SPTY2D1: variants seen among roughly 807,000 people sequenced by gnomAD.
The protein encoded by SPTY2D1 is SPT2 chromatin protein domain containing 1, also known as protein SPT2 homolog.
In SPTY2D1, 21 loss-of-function variants were observed where a neutral mutation model predicts 64.0. The ratio of observed to expected loss-of-function variants is 0.33; its 90% CI spans 0.23 to 0.47. The LOEUF is 0.47. Among genes scored for constraint, SPTY2D1 ranks in the 20% least tolerant of loss-of-function variants. SPTY2D1 has a pLI of 1.00. For synonymous variants in SPTY2D1, 287 were observed against 286.8 expected (o/e 1.00, Z -0.01); for missense variants, 724 against 837.2 (o/e 0.86, Z 1.67).
rs1409472680 is a variant in SPTY2D1 at position 18,612,392 on chromosome 11, T to C, written c.1808A>G (p.Asp603Gly). 1 of 1,611,702 alleles carries C rather than the reference T, an allele frequency of 6.2e-7. No individual in the cohort carries two copies. Among genetic ancestry groups the C allele is most frequent in the Admixed American group, 1.7e-5 (1 of 59,866 alleles). The change falls in exon 4 of 6, where the codon GAT becomes GGT. Residue 603 changes from aspartate (D) to glycine (G), a missense_variant. Physicochemically the swap from Asp to Gly is moderately conservative, Grantham distance 94 (BLOSUM62 -1). This residue lies in a region of SPTY2D1 where 119 missense variants were observed against 172.9 expected (regional missense o/e 0.69). Coordinates refer to ENST00000336349, the MANE Select transcript of SPTY2D1 (RefSeq NM_194285.3). This position sits in a 1 kb window ranked among gnomAD's most constrained non-coding sequence, Gnocchi z 4.6. Reference sequence around the variant, plus strand: ...AGGCTCTCCTTCATCTTCAATAAAATCTTCCATTTCAGAGTCGTATTCATC... The same window carrying C: ...AGGCTCTCCTTCATCTTCAATAAAACCTTCCATTTCAGAGTCGTATTCATC... ...DDDEYDSEME[D>G]FIEDEGEPQE...
intron 1 of SPTY2D1, among the ~76,000 whole-genome samples, chr11:18,629,021 T>C (rs1854543123): frequency 6.6e-6 from 1 of 152,156 alleles, no homozygotes; most frequent in Admixed American, 6.5e-5. Context: ...TTCTTATCCT[T>C]AAGGGGCTAT....
intron 1 of SPTY2D1, among the ~76,000 whole-genome samples, chr11:18,621,327 AAAGAAAAG>A (rs1854393731): frequency 3.2e-5 from 1 of 31,074 alleles, no homozygotes; most frequent in Non-Finnish European, 7.1e-5. Context: ...AAAAAACAGA[AAAGAAAAG>A]AAAAGAAAAG....
At chr11:18,625,814 TTTC>T (rs1565162233) in intron 1 of SPTY2D1, among the ~76,000 whole-genome samples, 2 of 129,376 alleles carry the variant, frequency 1.5e-5, no homozygotes, top group East Asian at 4.2e-4. Context: ...ACTCCAACAC[TTTC>T]TTTTTTTTTT....
At chr11:18,631,706 G>A (rs1160389680) in intron 1 of SPTY2D1, among the ~76,000 whole-genome samples, 3 of 151,680 alleles carry the variant, frequency 2.0e-5, no homozygotes, top group Non-Finnish European at 4.4e-5. Context: ...TAAATATGGG[G>A]AAATGTTAAT....
rs768279652 is a variant in SPTY2D1, at chr11:18,612,423, C to T, written c.1777G>A (p.Asp593Asn). ...RQREYEEEDD[D>N]DDEYDSEMED... The stretch of plus-strand genomic sequence containing the variant: ...ATTTCAGAGTCGTATTCATCATCAT[C>T]GTCATCTTCCTCTTCATATTCTCGC... Residue 593 changes from aspartate (D) to asparagine (N), a missense_variant, in exon 4 of 6, where the codon GAT (aspartate) becomes AAT (asparagine). Around this residue, in one of 3 missense-constraint regions of SPTY2D1, gnomAD observed 119 missense variants for 172.9 expected, o/e 0.69. Coordinates refer to ENST00000336349, the MANE Select transcript of SPTY2D1 (RefSeq NM_194285.3). The surrounding 1 kb of genome is among the most constrained non-coding windows in gnomAD (Gnocchi z 4.6). 9 of 1,597,248 alleles carry T rather than the reference C, an allele frequency of 5.6e-6. No individual in the cohort carries two copies. The Admixed American group carries it at 1.0e-4, about 18-fold the overall frequency.
intron 1 of SPTY2D1, among the ~76,000 whole-genome samples, chr11:18,617,890 C>T (rs953873114): frequency 3.7e-4 from 56 of 152,172 alleles, no homozygotes; most frequent in African/African-American, 1.3e-3. Context: ...TGCAGTGAGC[C>T]GAGATTGCGC....
Position 18,615,361 on chromosome 11 carries a change from C to T in SPTY2D1, c.913G>A (p.Asp305Asn), listed in dbSNP as rs746473954. ...CCAGCTCCATTAAAAACAGGTTTGT[C>T]GTGGCCCTCACGAAGTGAGGGTTGG... ...SSQPSLREGH[D>N]KPVFNGAGKP... Residue 305 changes from aspartate to asparagine, a missense_variant, in exon 3 of 6, where the codon GAC becomes AAC. Asp to Asn is a conservative substitution (Grantham distance 23). This residue lies in a region of SPTY2D1 where 426 missense variants were observed against 431.8 expected (regional missense o/e 0.99). Transcript: ENST00000336349. 43 of 1,614,046 alleles carry T rather than the reference C, an allele frequency of 2.7e-5. No individual in the cohort carries two copies. The highest frequency in any genetic ancestry group is 7.7e-5 in the South Asian group (7 of 91,060).
At chr11:18,620,356 G>T (rs191053396) in intron 1 of SPTY2D1, among the ~76,000 whole-genome samples, 133 of 152,132 alleles carry the variant, frequency 8.7e-4, no homozygotes, top group African/African-American at 2.9e-3. Flanking sequence ...GCTCACGCCT[G>T]TAGTCCCAGC....
chr11:18,615,077 G>C lies in SPTY2D1; in HGVS notation c.1197C>G (p.Arg399=). ...GTCCTGAGCTGGAGCTGCCATTCTG[G>C]CGCCTAGGCACAGGGCCAGAACTAA... The part of the protein sequence containing the change: ...PTVSSGPVPR[R]QNGSSSSGPE... Residue 399 remains arginine, a synonymous_variant, in exon 3 of 6, where the codon CGC becomes CGG. Coordinates refer to ENST00000336349, the MANE Select transcript of SPTY2D1 (RefSeq NM_194285.3). 1 of 1,614,184 alleles carries C rather than the reference G, an allele frequency of 6.2e-7. No homozygotes were observed. Among genetic ancestry groups the C allele is most frequent in the Non-Finnish European group, 8.5e-7 (1 of 1,180,042 alleles).
At chr11:18,616,736 C>A (rs756234240) in intron 2 of SPTY2D1, 139 bp downstream of exon 2, 1 of 200,134 alleles carries the variant, frequency 5.0e-6, no homozygotes, top group Non-Finnish European at 9.9e-6. Flanking sequence ...AACCTGGACA[C>A]ACACACACAC....
Position 18,612,579 on chromosome 11 carries a change from GGT to G in SPTY2D1, c.1712-93_1712-92del. 1 of 1,197,800 alleles carries G rather than the reference GGT, an allele frequency of 8.3e-7. No individual in the cohort carries two copies. Among genetic ancestry groups the G allele is most frequent in the Non-Finnish European group, 1.1e-6 (1 of 889,744 alleles). The allele number at this position is 1,197,800 out of a possible 1,614,324, so 74.2% of individuals were successfully genotyped here. On this transcript the variant is annotated intron_variant, in intron 3 of 5. Coordinates refer to ENST00000336349, the MANE Select transcript of SPTY2D1 (RefSeq NM_194285.3). This position sits in a 1 kb window ranked among gnomAD's most constrained non-coding sequence, Gnocchi z 4.6. ...TGAAATTGTGAGTCATCATTAAGAT[GGT>G]ATCCTTTAAAACCAGAGCAAGCAGG...
rs1457050490 is a variant in SPTY2D1, at chr11:18,607,435, G to C, written c.*2426C>G. The C allele has an allele frequency of 1.3e-5, 2 of 152,580 alleles. No individual in the cohort carries two copies. Among genetic ancestry groups the C allele is most frequent in the African/African-American group, 4.8e-5 (2 of 41,436 alleles). 9.5% of individuals were successfully genotyped at this position (152,580 alleles called of 1,614,324 possible). On this transcript the variant is annotated 3_prime_UTR_variant, in exon 6 of 6. Coordinates refer to ENST00000336349, the MANE Select transcript of SPTY2D1 (RefSeq NM_194285.3). Reference sequence around the variant, plus strand: ...TAGAGAATGCCACACCCATGATCATGTAACATTATTACAATCATGAAATAT... The same window carrying C: ...TAGAGAATGCCACACCCATGATCATCTAACATTATTACAATCATGAAATAT...
chr11:18,630,842 GAC>G (rs1259948557), intron 1 of SPTY2D1, among the ~76,000 whole-genome samples: 1 of 152,044 alleles, frequency 6.6e-6, no homozygotes, highest in African/African-American at 2.4e-5. Context: ...TTTCATTTGA[GAC>G]AGAGTCTCGC....
chr11:18,611,215 G>T (rs1309192302), intron 5 of SPTY2D1, among the ~76,000 whole-genome samples: 1 of 152,198 alleles, frequency 6.6e-6, no homozygotes, highest in Admixed American at 6.5e-5. Context: ...GGCTGAGATG[G>T]GAGGATCACT....
In SPTY2D1 at chr11:18,612,842, G is replaced by A. The variant is rs949384453; in HGVS notation, c.1712-354C>T. Among the ~76,000 whole-genome samples, 3 of 150,762 alleles carry A rather than the reference G, an allele frequency of 2.0e-5. No individual in the cohort carries two copies. Among genetic ancestry groups the A allele is most frequent in the African/African-American group, 7.3e-5 (3 of 40,868 alleles). On this transcript the variant is annotated intron_variant, in intron 3 of 5. Transcript: ENST00000336349. The surrounding 1 kb of genome is among the most constrained non-coding windows in gnomAD (Gnocchi z 4.6). Reference sequence around the variant, plus strand: ...TGCAATGGTGCGATCTCGGCTCACTGCAACCTCTGCCTCCCAGGTTCAAGC... The same window carrying A: ...TGCAATGGTGCGATCTCGGCTCACTACAACCTCTGCCTCCCAGGTTCAAGC...
intron 2 of SPTY2D1, 146 bp downstream of exon 2, chr11:18,616,729 C>G: frequency 1.9e-6 from 1 of 519,174 alleles, no homozygotes; most frequent in East Asian, 3.1e-5. Context: ...GTCAGTTAAC[C>G]TGGACACACA....
intron 2 of SPTY2D1, among the ~76,000 whole-genome samples, chr11:18,616,664 AAAAG>A (rs939721234): frequency 6.6e-6 from 1 of 152,104 alleles, no homozygotes; most frequent in African/African-American, 2.4e-5. Flanking sequence ...AGGGGAGAAA[AAAAG>A]AAAACGTTTA....
Position 18,616,106 on chromosome 11 carries a change from G to C in SPTY2D1, c.176-8C>G, listed in dbSNP as rs142920473. On this transcript the variant is annotated splice_polypyrimidine_tract_variant and splice_region_variant and intron_variant, in intron 2 of 5. Transcript: ENST00000336349. The stretch of plus-strand genomic sequence containing the variant: ...TCCTTTTCTCCTCTAAGGCTAAAAG[G>C]GACAAAACAAGAATATGTTATTACT... 1 of 1,579,874 alleles carries C rather than the reference G, an allele frequency of 6.3e-7. No homozygotes were observed. Among genetic ancestry groups the C allele is most frequent in the East Asian group, 2.2e-5 (1 of 44,574 alleles).
At chr11:18,614,425 A>T in intron 3 of SPTY2D1, 138 bp downstream of exon 3, 1 of 884,520 alleles carries the variant, frequency 1.1e-6, no homozygotes, top group Non-Finnish European at 1.7e-6. Context: ...AAGGCAGATA[A>T]AACATCACGA....
Sources: allele counts gnomAD v4.1 joint callset (sites outside exome capture counted in the v4.1 genomes callset), GRCh38; gene constraint gnomAD v4.1.1; regional missense constraint gnomAD v4.1.1; non-coding constraint Gnocchi (gnomAD v3.1); transcripts MANE v1.5; gene names NCBI Gene and HGNC (gene_info 2026-07-23, HGNC 2026-07-21).